The following MMRN1 variants were observed in gnomAD, a reference collection of about 807,000 sequenced individuals.
MMRN1 encodes multimerin-1.
Under a neutral mutation model 100.7 loss-of-function variants are expected in MMRN1, and 94 were observed. The ratio of observed to expected loss-of-function variants is 0.93; its 90% CI spans 0.79 to 1.11. MMRN1 has a LOEUF of 1.11. MMRN1 is among the 50% of genes least tolerant of loss of function. The pLI, the probability that MMRN1 is intolerant of heterozygous loss-of-function variation, is 0.00. For missense variants in MMRN1, 1,606 were observed against 1,439.1 expected (o/e 1.12, Z -1.88); for synonymous variants, 575 against 505.0 (o/e 1.14, Z -1.86).
rs1373074305 is a variant in MMRN1, at chr4:89,951,608, A to ACT, written c.3122_3123insCT (p.Glu1041AspfsTer18). The ACT allele has an allele frequency of 1.3e-6, 2 of 1,491,786 alleles. No homozygotes were observed. Among genetic ancestry groups the ACT allele is most frequent in the African/African-American group, 1.5e-5 (1 of 68,480 alleles). The allele number at this position is 1,491,786 out of a possible 1,614,324, so 92.4% of individuals were successfully genotyped here. ...CTTGATTCTTTTTCCGTAACAGAGG[A>ACT]GTATTCAAGCTGTAGTCGGCATCCG... On this transcript the variant is annotated frameshift_variant, in exon 7 of 8. Coordinates refer to ENST00000264790, the MANE Select transcript of MMRN1 (RefSeq NM_007351.3). LOFTEE classifies it high-confidence loss of function.
intron 5 of MMRN1, among the ~76,000 whole-genome samples, chr4:89,932,252 G>A (rs551271083): frequency 5.1e-4 from 78 of 152,288 alleles, no homozygotes; most frequent in Middle Eastern, 3.4e-3. Context: ...TCACACTGAT[G>A]CAAGAGGTGG....
At chr4:89,923,045 TC>T in intron 3 of MMRN1, 122 bp from the exon 4 acceptor site, 1 of 764,754 alleles carries the variant, frequency 1.3e-6, no homozygotes, top group Non-Finnish European at 2.2e-6. Flanking sequence ...TCTGCAATCA[TC>T]CCCGACCATC....
At chr4:89,892,148 A>G (rs910168037), upstream of MMRN1, among the ~76,000 whole-genome samples, 1 of 151,852 alleles carries the variant, frequency 6.6e-6, no homozygotes, top group Non-Finnish European at 1.5e-5. Flanking sequence ...AGTGAATCCT[A>G]TGTTTATGAT....
At chr4:89,886,304 G>C (rs757909665) in intron 1 of MMRN1, among the ~76,000 whole-genome samples, 2 of 151,980 alleles carry the variant, frequency 1.3e-5, no homozygotes, top group Non-Finnish European at 2.9e-5. Flanking sequence ...TTGCTGCTTT[G>C]ACTGAGGATT....
rs749086497 is a variant in MMRN1 at position 89,951,621 on chromosome 4, T to C, written c.3135T>C (p.Cys1045=). 2 of 1,526,218 alleles carry C rather than the reference T, an allele frequency of 1.3e-6. No individual in the cohort carries two copies. The highest frequency in any genetic ancestry group is 1.8e-6 in the Non-Finnish European group (2 of 1,141,288). The allele number at this position is 1,526,218 out of a possible 1,614,324, so 94.5% of individuals were successfully genotyped here. A position where few individuals can be genotyped will look rare whatever the true frequency, so the allele number is the denominator to read the frequency against. The part of the protein sequence containing the change: ...NIIYPEEYSS[C]SRHPCQNGGT... ...CCGTAACAGAGGAGTATTCAAGCTGTAGTCGGCATCCGTGCCAAAATGGGG... is the reference window on the plus strand; with the variant it reads ...CCGTAACAGAGGAGTATTCAAGCTGCAGTCGGCATCCGTGCCAAAATGGGG... The change falls in exon 7 of 8, where the codon TGT becomes TGC. Residue 1045 remains cysteine, a synonymous_variant. Transcript: ENST00000264790.
intron 1 of MMRN1, among the ~76,000 whole-genome samples, chr4:89,903,570 C>CA (rs563418111): frequency 7.7e-4 from 117 of 151,184 alleles, no homozygotes; most frequent in African/African-American, 2.8e-3. Context: ...ATATCCTCTT[C>CA]AAAAAAAATC....
chr4:89,949,273 A>AT (rs1397631683), intron 6 of MMRN1, among the ~76,000 whole-genome samples: 11 of 152,266 alleles, frequency 7.2e-5, no homozygotes, highest in Non-Finnish European at 1.3e-4. Flanking sequence ...GGTGACTGTG[A>AT]TTTTTTATAT....
In MMRN1 at chr4:89,935,639, T is replaced by C; in HGVS notation, c.1959T>C (p.Leu653=). ...TYDMEILQPL[L]EQGASLRQTM... is the part of the protein sequence containing the mutation. ...ATATGGAGATCCTTCAACCCTTGCTTGAGCAGGGAGCATCACTCAGACAGA... is the reference window on the plus strand; with the variant it reads ...ATATGGAGATCCTTCAACCCTTGCTCGAGCAGGGAGCATCACTCAGACAGA... The change falls in exon 6 of 8, where the codon CTT becomes CTC. Residue 653 remains leucine, a synonymous_variant. Transcript: ENST00000264790. 1.2e-6 allele frequency: 2 copies of C among 1,613,454 alleles called. No homozygotes were observed. Among genetic ancestry groups the C allele is most frequent in the South Asian group, 2.2e-5 (2 of 91,050 alleles).
intron 1 of MMRN1, among the ~76,000 whole-genome samples, chr4:89,881,962 T>G (rs1720827822): frequency 6.6e-6 from 1 of 151,990 alleles, no homozygotes; most frequent in Non-Finnish European, 1.5e-5. Context: ...ATCTATACCT[T>G]AAATTTATTA....
At chr4:89,912,542 A>T (rs1223610549) in intron 3 of MMRN1, among the ~76,000 whole-genome samples, 3 of 143,760 alleles carry the variant, frequency 2.1e-5, no homozygotes, top group Non-Finnish European at 3.1e-5. Flanking sequence ...TAATGGAGCT[A>T]TTTTTTTTTT....
intron 2 of MMRN1, among the ~76,000 whole-genome samples, chr4:89,911,564 T>A (rs191370650): frequency 2.2e-4 from 33 of 151,472 alleles, no homozygotes; most frequent in African/African-American, 6.5e-4. Context: ...TTTTTAAATA[T>A]AACAATATAG....
chr4:89,917,080 C>T (rs369984033), intron 3 of MMRN1, among the ~76,000 whole-genome samples: 6 of 151,500 alleles, frequency 4.0e-5, no homozygotes, highest in African/African-American at 1.2e-4. Flanking sequence ...AAAATCCCCC[C>T]ACACATCCTC....
At chr4:89,898,161 A>G (rs1487160902) in intron 1 of MMRN1, among the ~76,000 whole-genome samples, 1 of 152,180 alleles carries the variant, frequency 6.6e-6, no homozygotes, top group Non-Finnish European at 1.5e-5. Context: ...GATATGGTCA[A>G]AAGAAGTCCT....
In MMRN1 at chr4:89,900,182, C is replaced by A. The variant is rs112877351; in HGVS notation, c.623+4588C>A. 5.9e-3 allele frequency among the ~76,000 whole-genome samples: 896 copies of A among 152,156 alleles called. 7 individuals carry two copies. The highest frequency in any genetic ancestry group is 0.021 in the African/African-American group (855 of 41,546). On this transcript the variant is annotated intron_variant, in intron 1 of 7. Coordinates refer to ENST00000264790, the MANE Select transcript of MMRN1 (RefSeq NM_007351.3). ...ACAACTGCTATCTGACCACTAGTGA[C>A]TGAAAAATGCCTTTGATTTCAAGAC...
At chr4:89,907,423 G>T (rs1721602082) in intron 1 of MMRN1, among the ~76,000 whole-genome samples, 1 of 151,316 alleles carries the variant, frequency 6.6e-6, no homozygotes, top group South Asian at 2.1e-4. Context: ...CTTTTTATGT[G>T]TTGTTTTCTG....
chr4:89,923,121 C>A, intron 3 of MMRN1, 47 bp from the exon 4 acceptor site: 1 of 1,455,132 alleles, frequency 6.9e-7, no homozygotes, highest in South Asian at 1.2e-5. Flanking sequence ...AAAAATGAGG[C>A]TGTCCCAGTG....
intron 3 of MMRN1, among the ~76,000 whole-genome samples, chr4:89,917,200 A>G (rs896926501): frequency 6.6e-6 from 1 of 151,854 alleles, no homozygotes; most frequent in African/African-American, 2.4e-5. Context: ...TAATCTTCAT[A>G]TTAAATATGC....
Position 89,935,644 on chromosome 4 carries a change from A to G in MMRN1, c.1964A>G (p.Gln655Arg). The G allele has an allele frequency of 6.2e-7, 1 of 1,613,502 alleles. No individual in the cohort carries two copies. ...GAGATCCTTCAACCCTTGCTTGAGC[A>G]GGGAGCATCACTCAGACAGACAATG... is the stretch of plus-strand genomic sequence containing the variant. ...DMEILQPLLE[Q>R]GASLRQTMTY... Residue 655 changes from glutamine (Q) to arginine (R), a missense_variant, in exon 6 of 8, where the codon CAG becomes CGG. Physicochemically the swap from Gln to Arg is conservative, Grantham distance 43 (BLOSUM62 1). Coordinates refer to ENST00000264790, the MANE Select transcript of MMRN1 (RefSeq NM_007351.3).
At chr4:89,931,220 A>G (rs1722421836) in intron 5 of MMRN1, among the ~76,000 whole-genome samples, 1 of 152,134 alleles carries the variant, frequency 6.6e-6, no homozygotes, top group Admixed American at 6.5e-5. Flanking sequence ...TATCCATCTA[A>G]ATTTTCATAT....
Sources: gnomAD v4.1 joint callset for allele counts (sites outside exome capture counted in the v4.1 genomes callset) on GRCh38, gnomAD v4.1.1 for gene constraint, MANE v1.5 for transcripts, NCBI Gene and HGNC (gene_info 2026-07-23, HGNC 2026-07-21) for gene names.